Variants in YIPF4 observed in about 807,000 individuals in gnomAD.
YIPF4 encodes protein YIPF4.
A neutral mutation model predicts 29.4 loss-of-function variants in YIPF4; 18 were observed. That is an observed-to-expected ratio of 0.61 (90% CI 0.42 to 0.91). YIPF4 has a LOEUF of 0.91. Ranked by LOEUF, YIPF4 falls within the 40% of genes least tolerant of loss-of-function variation. The probability of loss-of-function intolerance (pLI) is 0.00; values close to 1 mark genes in which losing one functional copy is unlikely to be tolerated. For missense variants in YIPF4, 279 were observed against 282.7 expected, an observed-to-expected ratio of 0.99 and a Z score of 0.09; for synonymous variants, 115 against 104.7, an observed-to-expected ratio of 1.10 and a Z score of -0.60.
chr2:32,291,599 G>T (rs1300097818), intron 2 of YIPF4, among the ~76,000 whole-genome samples: 11 of 152,122 alleles, frequency 7.2e-5, no homozygotes, highest in Admixed American at 1.3e-4. Context: ...TTGATTATAA[G>T]ATGAAGTTAT....
rs1010172546 is a variant in YIPF4, at chr2:32,305,988, A to G, written c.*362A>G. ...AAATTTGACAATATCTTGATAATCA[A>G]AAGTGCAATTTTTTTCTTCAAAATG... is the stretch of plus-strand genomic sequence containing the variant. On this transcript the variant is annotated 3_prime_UTR_variant, in exon 6 of 6. Transcript: ENST00000238831. The G allele has an allele frequency of 2.0e-6, 2 of 986,540 alleles. No homozygotes were observed. Among genetic ancestry groups the G allele is most frequent in the Non-Finnish European group, 1.2e-6 (1 of 830,614 alleles). 61.1% of individuals were successfully genotyped at this position (986,540 alleles called of 1,614,324 possible).
chr2:32,303,875 A>C (rs566932170), intron 5 of YIPF4, among the ~76,000 whole-genome samples: 2 of 152,264 alleles, frequency 1.3e-5, no homozygotes, highest in Non-Finnish European at 1.5e-5. Flanking sequence ...TAGTGAACAT[A>C]CCACTCACTT....
chr2:32,279,169 C>T (rs1207693334), intron 1 of YIPF4, among the ~76,000 whole-genome samples: 1 of 151,776 alleles, frequency 6.6e-6, no homozygotes, highest in Non-Finnish European at 1.5e-5. Context: ...TGAGGTTTCA[C>T]CGTGTTAGCC....
At chr2:32,283,098 A>G (rs1273161278) in intron 1 of YIPF4, among the ~76,000 whole-genome samples, 1 of 151,364 alleles carries the variant, frequency 6.6e-6, no homozygotes, top group Non-Finnish European at 1.5e-5. Flanking sequence ...AAAAAGGAAT[A>G]CCCAAGTGCT....
chr2:32,314,757 T>C lies in YIPF4; in HGVS notation c.*9131T>C, dbSNP rs146461351. On this transcript the variant is annotated 3_prime_UTR_variant, in exon 6 of 6. Coordinates refer to ENST00000238831, the MANE Select transcript of YIPF4 (RefSeq NM_032312.4). Reference sequence around the variant, plus strand: ...AATTAATGTAATAAACAGAATAGTTTTGGCATTCAACAAACATTGGCTGTT... The same window carrying C: ...AATTAATGTAATAAACAGAATAGTTCTGGCATTCAACAAACATTGGCTGTT... 1 of 152,302 alleles carries C rather than the reference T, an allele frequency of 6.6e-6. No homozygotes were observed. The highest frequency in any genetic ancestry group is 1.9e-4 in the East Asian group (1 of 5,186). 9.4% of individuals were successfully genotyped at this position (152,302 alleles called of 1,614,324 possible). A position where few individuals can be genotyped will look rare whatever the true frequency, so the allele number is the denominator to read the frequency against.
chr2:32,305,453 A>G, intron 5 of YIPF4, 36 bp from the exon 6 acceptor site: 1 of 1,447,464 alleles, frequency 6.9e-7, no homozygotes, highest in Middle Eastern at 1.8e-4. Flanking sequence ...TGACTTGCTA[A>G]TATGCTGCCT....
At position 32,306,153 on chromosome 2, in the gene YIPF4, A is replaced by G. The variant is rs2148968620; in HGVS notation, c.*527A>G. 1.2e-6 allele frequency: 1 copy of G among 807,414 alleles called. No individual in the cohort carries two copies. Among genetic ancestry groups the G allele is most frequent in the East Asian group, 1.2e-4 (1 of 8,012 alleles). The allele number at this position is 807,414 out of a possible 1,614,324, so 50.0% of individuals were successfully genotyped here. On this transcript the variant is annotated 3_prime_UTR_variant, in exon 6 of 6. Coordinates refer to ENST00000238831, the MANE Select transcript of YIPF4 (RefSeq NM_032312.4). ...GATGCACAAACTTTTTAATTTGGCC[A>G]TTAATCTTTTTTATTTAAAAATTTA...
At position 32,300,657 on chromosome 2, in the gene YIPF4, C is replaced by CA. The variant is rs534349167; in HGVS notation, c.484-721dup. Among the ~76,000 whole-genome samples, 313 of 152,116 alleles carry CA rather than the reference C, an allele frequency of 2.1e-3. 3 individuals carry two copies. The highest frequency in any genetic ancestry group is 2.4e-3 in the Admixed American group (36 of 15,270). ...TATATATTATTTCTTATGTCCTAGACAAAACCTAGTATAATATTTATATGA... is the reference window on the plus strand; with the variant it reads ...TATATATTATTTCTTATGTCCTAGACAAAAACCTAGTATAATATTTATATGA... On this transcript the variant is annotated intron_variant, in intron 4 of 5. Coordinates refer to ENST00000238831, the MANE Select transcript of YIPF4 (RefSeq NM_032312.4).
chr2:32,282,630 C>T (rs1485578603), intron 1 of YIPF4, among the ~76,000 whole-genome samples: 1 of 152,038 alleles, frequency 6.6e-6, no homozygotes, highest in Non-Finnish European at 1.5e-5. Flanking sequence ...CACGGGGTTT[C>T]ACCACATTGG....
chr2:32,297,228 G>A (rs1201299036), intron 3 of YIPF4, among the ~76,000 whole-genome samples: 3 of 151,820 alleles, frequency 2.0e-5, no homozygotes, highest in African/African-American at 7.3e-5. Flanking sequence ...AGGTTCAAGC[G>A]ATTCTCCAGC....
intron 3 of YIPF4, among the ~76,000 whole-genome samples, chr2:32,294,439 G>T (rs1038279404): frequency 6.7e-6 from 1 of 150,276 alleles, no homozygotes; most frequent in South Asian, 2.1e-4. Flanking sequence ...GGGCGGCGGG[G>T]CAAAGGCGCT....
At chr2:32,279,814 A>G (rs1011422100) in intron 1 of YIPF4, among the ~76,000 whole-genome samples, 3 of 150,540 alleles carry the variant, frequency 2.0e-5, no homozygotes, top group Non-Finnish European at 4.4e-5. Context: ...TAAAAATAGT[A>G]CTGGTCATAA....
chr2:32,293,140 C>T (rs1301458410), intron 3 of YIPF4, among the ~76,000 whole-genome samples: 1 of 150,594 alleles, frequency 6.6e-6, no homozygotes, highest in East Asian at 1.9e-4. Flanking sequence ...TTGGCAGGGT[C>T]ATAGGACAAT....
At chr2:32,303,029 T>C (rs1341345591) in intron 5 of YIPF4, among the ~76,000 whole-genome samples, 3 of 152,204 alleles carry the variant, frequency 2.0e-5, no homozygotes, top group Admixed American at 6.5e-5. Context: ...TTCTTAACAA[T>C]GGTAAACTTA....
Position 32,290,601 on chromosome 2 carries a change from T to C in YIPF4, c.198T>C (p.Val66=). Residue 66 remains valine (V), a synonymous_variant, in exon 2 of 6, where the codon GTT becomes GTC. Coordinates refer to ENST00000238831, the MANE Select transcript of YIPF4 (RefSeq NM_032312.4). ...RQRGYGWLLE[V]EDDDPEDNKP... ...GAGGTTATGGCTGGCTTCTGGAAGT[T>C]GAAGATGATGATCCTGAAGATAACA... 6.3e-7 allele frequency: 1 copy of C among 1,575,730 alleles called. No homozygotes were observed. Among genetic ancestry groups the C allele is most frequent in the Non-Finnish European group, 8.6e-7 (1 of 1,161,174 alleles).
intron 5 of YIPF4, among the ~76,000 whole-genome samples, chr2:32,303,106 T>C (rs1192416049): frequency 6.6e-6 from 1 of 152,208 alleles, no homozygotes; most frequent in Admixed American, 6.5e-5. Context: ...GGCTACCGCC[T>C]ATAATCCCAG....
rs1573533201 is a variant in YIPF4, at chr2:32,292,705, TA to T, written c.405+358del. 2.6e-5 allele frequency among the ~76,000 whole-genome samples: 4 copies of T among 151,274 alleles called. No homozygotes were observed. In the East Asian group the frequency reaches 7.8e-4, roughly 29 times the overall value. Reference sequence around the variant, plus strand: ...GTGGAAGCCCTGTCTCTACTAAAACTACAAAAAAAGTATCTGGGTGTGGTGG... The same window carrying T: ...GTGGAAGCCCTGTCTCTACTAAAACTCAAAAAAAGTATCTGGGTGTGGTGG... On this transcript the variant is annotated intron_variant, in intron 3 of 5. Transcript: ENST00000238831.
At chr2:32,281,279 T>A (rs2030401451) in intron 1 of YIPF4, among the ~76,000 whole-genome samples, 1 of 151,828 alleles carries the variant, frequency 6.6e-6, no homozygotes, top group African/African-American at 2.4e-5. Flanking sequence ...TTCACTCCCC[T>A]TGCCTAGGGT....
chr2:32,299,748 G>A (rs2148965954), intron 4 of YIPF4, among the ~76,000 whole-genome samples: 1 of 152,266 alleles, frequency 6.6e-6, no homozygotes. Context: ...AGGGGTTATG[G>A]CTGTGGTGAG....
Sources: gnomAD v4.1 joint callset for allele counts (sites outside exome capture counted in the v4.1 genomes callset) on GRCh38, gnomAD v4.1.1 for gene constraint, MANE v1.5 for transcripts, NCBI Gene and HGNC (gene_info 2026-07-23, HGNC 2026-07-21) for gene names.